The following DNAI2 variants were observed in gnomAD, a reference collection of about 807,000 sequenced individuals.
The protein encoded by DNAI2 is dynein, axonemal, intermediate polypeptide 2.
A neutral mutation model predicts 74.7 loss-of-function variants in DNAI2; 63 were observed. The observed-to-expected ratio is 0.84, with a 90% CI of 0.69 to 1.04. DNAI2 has a LOEUF of 1.04. Among genes scored for constraint, DNAI2 ranks in the 50% least tolerant of loss-of-function variants. The pLI is 0.00. For missense variants in DNAI2, 688 were observed against 803.2 expected (o/e 0.86, Z 1.73); for synonymous variants, 289 against 314.9 (o/e 0.92, Z 0.87).
chr17:74,309,727 A>G (rs1242294319), intron 10 of DNAI2: 19 of 629,248 alleles, frequency 3.0e-5, no homozygotes, highest in Non-Finnish European at 5.1e-5. Context: ...CCTTCATGTC[A>G]GGGTGGCCAG....
intron 1 of DNAI2, among the ~76,000 whole-genome samples, chr17:74,275,270 C>G (rs1005280644): frequency 6.6e-6 from 1 of 152,172 alleles, no homozygotes; most frequent in Non-Finnish European, 1.5e-5. Context: ...CTCTTCCCAA[C>G]TCGTCCTGCC....
intron 1 of DNAI2, chr17:74,281,384 G>A (rs1268710786): frequency 4.1e-5 from 12 of 292,514 alleles, no homozygotes; most frequent in Non-Finnish European, 5.7e-5. Context: ...TCAGCCTCCC[G>A]AGTAGCTGGG....
chr17:74,288,325 T>A (rs989177936), intron 4 of DNAI2, among the ~76,000 whole-genome samples: 1 of 152,242 alleles, frequency 6.6e-6, no homozygotes, highest in African/African-American at 2.4e-5. Flanking sequence ...GATGTGATGC[T>A]GGGTAGGTTA....
rs373525217 is a variant in DNAI2, at chr17:74,301,011, C to G, written c.865-35C>G. ...GGCAAAAGCCAGGGGAAATACAGGGCCTCGAAGTCTCACTGTCGCCCCTCC... is the reference window on the plus strand; with the variant it reads ...GGCAAAAGCCAGGGGAAATACAGGGGCTCGAAGTCTCACTGTCGCCCCTCC... On this transcript the variant is annotated intron_variant, in intron 7 of 13. Transcript: ENST00000311014. The G allele has an allele frequency of 3.1e-6, 5 of 1,612,232 alleles. No individual in the cohort carries two copies. The African/African-American group carries it at 4.0e-5, about 13-fold the overall frequency.
At chr17:74,301,206 G>T in intron 8 of DNAI2, 38 bp downstream of exon 8, 1 of 1,611,576 alleles carries the variant, frequency 6.2e-7, no homozygotes, top group South Asian at 1.1e-5. Context: ...GACTTGCATT[G>T]ACAGGGCAGC....
At position 74,286,374 on chromosome 17, in the gene DNAI2, C is replaced by A. The variant is rs189116843; in HGVS notation, c.346-603C>A. Among the ~76,000 whole-genome samples, 1,158 of 150,538 alleles carry A rather than the reference C, an allele frequency of 7.7e-3. 14 individuals are homozygous for A. The highest frequency in any genetic ancestry group is 9.6e-3 in the Non-Finnish European group (651 of 67,606). Reference sequence around the variant, plus strand: ...CTAGCATGGTGTTCTTCAACCTTTTCTTCATTATTGGCCTTCATGTTTTTT... The same window carrying A: ...CTAGCATGGTGTTCTTCAACCTTTTATTCATTATTGGCCTTCATGTTTTTT... On this transcript the variant is annotated intron_variant, in intron 3 of 13. Coordinates refer to ENST00000311014, the MANE Select transcript of DNAI2 (RefSeq NM_023036.6).
intron 8 of DNAI2, among the ~76,000 whole-genome samples, chr17:74,304,891 A>G (rs1248223410): frequency 2.0e-5 from 3 of 152,180 alleles, no homozygotes; most frequent in African/African-American, 7.2e-5. Flanking sequence ...CTGTAAACAA[A>G]CATTCAGGAT....
At chr17:74,305,522 C>A in intron 9 of DNAI2, 80 bp downstream of exon 9, 1 of 1,321,338 alleles carries the variant, frequency 7.6e-7, no homozygotes, top group Non-Finnish European at 1.1e-6. Flanking sequence ...CCCGGAGAGT[C>A]CCGAGCCTCC....
At position 74,314,746 on chromosome 17, in the gene DNAI2, C is replaced by T. The variant is rs1487816061; in HGVS notation, c.*213C>T. 1.1e-5 allele frequency: 2 copies of T among 183,370 alleles called. No homozygotes were observed. The highest frequency in any genetic ancestry group is 4.6e-5 in the African/African-American group (2 of 43,112). 11.4% of individuals were successfully genotyped at this position (183,370 alleles called of 1,614,324 possible). A position where few individuals can be genotyped will look rare whatever the true frequency, so the allele number is the denominator to read the frequency against. On this transcript the variant is annotated 3_prime_UTR_variant, in exon 14 of 14. Transcript: ENST00000311014. ...AATACCTTTCCAGGCAGCTCCCTGA[C>T]CATTTGGACACATTGCCACGACAGG...
Position 74,314,287 on chromosome 17 carries a change from C to CA in DNAI2, c.*55+17dup. On this transcript the variant is annotated intron_variant, in intron 13 of 13. Coordinates refer to ENST00000311014, the MANE Select transcript of DNAI2 (RefSeq NM_023036.6). ...CCACCTCTTGGTATTGCCCCGCTCT[C>CA]ACAAGTGGGAGGCTGAGCTCCGCCT... is the stretch of plus-strand genomic sequence containing the variant. The CA allele has an allele frequency of 6.2e-7, 1 of 1,608,240 alleles. No individual in the cohort carries two copies. The highest frequency in any genetic ancestry group is 8.5e-7 in the Non-Finnish European group (1 of 1,176,490).
intron 4 of DNAI2, among the ~76,000 whole-genome samples, chr17:74,287,457 TA>T (rs1322649918): frequency 1.3e-5 from 2 of 152,210 alleles, no homozygotes; most frequent in Non-Finnish European, 2.9e-5. Context: ...TATCCATGAA[TA>T]ACTCCAGAGG....
At position 74,289,195 on chromosome 17, in the gene DNAI2, C is replaced by G. The variant is rs890941873; in HGVS notation, c.468-399C>G. On this transcript the variant is annotated intron_variant, in intron 4 of 13. Coordinates refer to ENST00000311014, the MANE Select transcript of DNAI2 (RefSeq NM_023036.6). The stretch of plus-strand genomic sequence containing the variant: ...CCCTCCAGCCCTGCTGGGCTCTAAC[C>G]TCGTATATGGACCACCAGAGCAGGA... 7.0e-4 allele frequency among the ~76,000 whole-genome samples: 107 copies of G among 152,186 alleles called. 1 individual carries two copies. Among genetic ancestry groups the G allele is most frequent in the African/African-American group, 2.5e-3 (104 of 41,446 alleles).
At chr17:74,306,073 A>C (rs1206341827) in intron 9 of DNAI2, among the ~76,000 whole-genome samples, 1 of 152,236 alleles carries the variant, frequency 6.6e-6, no homozygotes, top group African/African-American at 2.4e-5. Flanking sequence ...CAGAAAGGCC[A>C]AGCCACTTGC....
intron 4 of DNAI2, 69 bp from the exon 5 acceptor site, chr17:74,289,520 CAAAAA>C (rs35159044): frequency 7.7e-6 from 11 of 1,436,114 alleles, no homozygotes; most frequent in South Asian, 1.2e-5. Flanking sequence ...CTCCATCTGA[CAAAAA>C]AAAAAAAAAG....
At chr17:74,280,215 C>T (rs1487991783) in intron 1 of DNAI2, among the ~76,000 whole-genome samples, 1 of 152,232 alleles carries the variant, frequency 6.6e-6, no homozygotes, top group African/African-American at 2.4e-5. Flanking sequence ...ATTTTTACAA[C>T]TTCTAATCAG....
chr17:74,282,079 G>T (rs1214254312), intron 2 of DNAI2, 79 bp downstream of exon 2: 11 of 1,542,216 alleles, frequency 7.1e-6, no homozygotes, highest in Non-Finnish European at 9.8e-6. Context: ...GAGTGGTTCT[G>T]TGGGTCCTTG....
At chr17:74,294,298 C>CTTTTTT (rs113049803) in intron 6 of DNAI2, among the ~76,000 whole-genome samples, 22 of 139,666 alleles carry the variant, frequency 1.6e-4, no homozygotes, top group East Asian at 4.2e-4. Context: ...CTTATCATTT[C>CTTTTTT]TTTTTTTTTT....
intron 1 of DNAI2, among the ~76,000 whole-genome samples, chr17:74,280,609 C>T (rs546334955): frequency 6.6e-6 from 1 of 152,118 alleles, no homozygotes; most frequent in Non-Finnish European, 1.5e-5. Flanking sequence ...TGGCAACCAA[C>T]GAGCCTTTTG....
rs1483200427 is a variant in DNAI2, at chr17:74,312,119, G to T, written c.1611G>T (p.Leu537=). The T allele has an allele frequency of 1.9e-6, 3 of 1,613,692 alleles. No homozygotes were observed. Among genetic ancestry groups the T allele is most frequent in the Non-Finnish European group, 2.5e-6 (3 of 1,180,000 alleles). The stretch of plus-strand genomic sequence containing the variant: ...ATGAGGAGCAGACCGATGAGGAGCT[G>T]GCCGTAGACCTGGAGGCGCTGGTCA... ...GRDEEQTDEE[L]AVDLEALVSK... Residue 537 remains leucine (L), a synonymous_variant, in exon 12 of 14, where the codon CTG becomes CTT. Coordinates refer to ENST00000311014, the MANE Select transcript of DNAI2 (RefSeq NM_023036.6).
Sources: gnomAD v4.1 joint callset for allele counts (sites outside exome capture counted in the v4.1 genomes callset) on GRCh38, gnomAD v4.1.1 for gene constraint, MANE v1.5 for transcripts, NCBI Gene and HGNC (gene_info 2026-07-23, HGNC 2026-07-21) for gene names.